TMPRSS11D: variants seen among roughly 807,000 people sequenced by gnomAD.
The protein encoded by TMPRSS11D is transmembrane serine protease 11D.
Under a neutral mutation model 44.4 loss-of-function variants are expected in TMPRSS11D, and 32 were observed. The observed-to-expected ratio is 0.72, with a 90% CI of 0.54 to 0.97. TMPRSS11D has a LOEUF of 0.97. Ranked by LOEUF, TMPRSS11D falls within the 50% of genes least tolerant of loss-of-function variation. TMPRSS11D has a pLI of 0.00. For missense variants in TMPRSS11D, 446 were observed against 502.6 expected (o/e 0.89, Z 1.08); for synonymous variants, 179 against 177.9 (o/e 1.01, Z -0.05).
intron 2 of TMPRSS11D, 56 bp from the exon 3 acceptor site, chr4:67,854,242 T>A: frequency 1.1e-6 from 1 of 943,342 alleles, no homozygotes; most frequent in Non-Finnish European, 1.6e-6. Flanking sequence ...GTTGAACCTT[T>A]AATTTATTCA....
chr4:67,880,754 TCAGGGAATA>T (rs1428009525), intron 1 of TMPRSS11D, among the ~76,000 whole-genome samples: 1 of 152,026 alleles, frequency 6.6e-6, no homozygotes, highest in East Asian at 1.9e-4. Flanking sequence ...ACCTCGGCCT[TCAGGGAATA>T]CAGGGAATAC....
intron 3 of TMPRSS11D, among the ~76,000 whole-genome samples, chr4:67,843,110 T>C (rs1718271625): frequency 6.6e-6 from 1 of 151,170 alleles, no homozygotes; most frequent in Admixed American, 6.6e-5. Flanking sequence ...CAGTCTTTTT[T>C]TTTTTTTTTT....
At chr4:67,822,557 G>A (rs1717673994) in intron 9 of TMPRSS11D, 59 bp from the exon 10 acceptor site, 7 of 1,587,698 alleles carry the variant, frequency 4.4e-6, no homozygotes, top group Admixed American at 3.4e-5. Flanking sequence ...AAATATTAAG[G>A]AGTTTATTTC....
intron 1 of TMPRSS11D, among the ~76,000 whole-genome samples, chr4:67,861,174 T>C (rs1718784504): frequency 6.6e-6 from 1 of 152,184 alleles, no homozygotes; most frequent in African/African-American, 2.4e-5. Flanking sequence ...TTGTCTTATT[T>C]GTTCATTTTG....
At chr4:67,829,474 A>G (rs943330673) in intron 7 of TMPRSS11D, among the ~76,000 whole-genome samples, 1 of 151,308 alleles carries the variant, frequency 6.6e-6, no homozygotes, top group Non-Finnish European at 1.5e-5. Context: ...CATTACCTTT[A>G]TGACCTAGGA....
Position 67,876,220 on chromosome 4 carries a change from C to A in TMPRSS11D, c.8+7706G>T, listed in dbSNP as rs1285343852. Among the ~76,000 whole-genome samples the A allele has an allele frequency of 2.6e-5, 4 of 152,070 alleles. No individual in the cohort carries two copies. In the South Asian group the frequency reaches 6.2e-4, roughly 24 times the overall value. On this transcript the variant is annotated intron_variant, in intron 1 of 9. Transcript: ENST00000283916. ...GATCCATGTGATCACTGGGAAGTAA[C>A]AAAACCTCTCTGAACCTTAGTTTCC...
chr4:67,847,088 G>A (rs1481962871), intron 3 of TMPRSS11D, among the ~76,000 whole-genome samples: 1 of 152,114 alleles, frequency 6.6e-6, no homozygotes, highest in African/African-American at 2.4e-5. Flanking sequence ...TATTTTTGTA[G>A]AGATGGGGTT....
intron 1 of TMPRSS11D, among the ~76,000 whole-genome samples, chr4:67,866,390 T>C (rs185994839): frequency 1.1e-4 from 16 of 152,106 alleles, no homozygotes; most frequent in African/African-American, 3.1e-4. Context: ...GCTAACATCA[T>C]ACTGTACAGG....
At chr4:67,859,058 G>C (rs1718729647) in intron 2 of TMPRSS11D, among the ~76,000 whole-genome samples, 1 of 152,038 alleles carries the variant, frequency 6.6e-6, no homozygotes, top group Admixed American at 6.6e-5. Flanking sequence ...CATCCTAACT[G>C]TTAGGCTTGT....
chr4:67,873,427 A>C (rs942897430), intron 1 of TMPRSS11D, among the ~76,000 whole-genome samples: 1 of 152,198 alleles, frequency 6.6e-6, no homozygotes, highest in African/African-American at 2.4e-5. Context: ...CATCTCTTCC[A>C]TTCTGGGAAT....
chr4:67,832,847 A>G (rs1054071744), intron 7 of TMPRSS11D, among the ~76,000 whole-genome samples: 1 of 151,978 alleles, frequency 6.6e-6, no homozygotes, highest in African/African-American at 2.4e-5. Context: ...ACTCAATGCT[A>G]CCAGTAACAC....
At chr4:67,872,391 T>A (rs1719080499) in intron 1 of TMPRSS11D, among the ~76,000 whole-genome samples, 1 of 152,148 alleles carries the variant, frequency 6.6e-6, no homozygotes, top group Non-Finnish European at 1.5e-5. Context: ...TACCGTAAAT[T>A]ATAAAAAAAT....
Position 67,833,281 on chromosome 4 carries a change from C to T in TMPRSS11D, c.615G>A (p.Arg205=), listed in dbSNP as rs768572405. Residue 205 remains arginine, a synonymous_variant, in exon 7 of 10, where the codon CGG becomes CGA. Coordinates refer to ENST00000283916, the MANE Select transcript of TMPRSS11D (RefSeq NM_004262.3). ...CTCCACAGTGGTGGGCATTATTGAG[C>T]CGCAGACTGACTTGCCACGGCCAGC... ...EGSWPWQVSL[R]LNNAHHCGGS... 7 of 1,600,232 alleles carry T rather than the reference C, an allele frequency of 4.4e-6. No individual in the cohort carries two copies. In the East Asian group the frequency reaches 1.4e-4, roughly 31 times the overall value.
In TMPRSS11D at chr4:67,838,171, C is replaced by T. The variant is rs1049319597; in HGVS notation, c.475+1G>A. The T allele has an allele frequency of 6.6e-7, 1 of 1,522,184 alleles. No homozygotes were observed. Among genetic ancestry groups the T allele is most frequent in the Non-Finnish European group, 8.8e-7 (1 of 1,137,312 alleles). The allele number at this position is 1,522,184 out of a possible 1,614,324, so 94.3% of individuals were successfully genotyped here. A position where few individuals can be genotyped will look rare whatever the true frequency, so the allele number is the denominator to read the frequency against. ...AATTGTTTATGAAAAATTATACTTA[C>T]ATGTTATCTCAGTTGAAGGGTTTAT... On this transcript the variant is annotated splice_donor_variant, in intron 5 of 9. Coordinates refer to ENST00000283916, the MANE Select transcript of TMPRSS11D (RefSeq NM_004262.3). LOFTEE classifies it high-confidence loss of function.
intron 2 of TMPRSS11D, among the ~76,000 whole-genome samples, chr4:67,857,300 TATATATATATATATATATATATAC>T (rs1295060693): frequency 3.5e-4 from 2 of 5,654 alleles, no homozygotes; most frequent in African/African-American, 4.4e-4. Context: ...TATATATATA[TATATATATATATATATATATATAC>T]ACACACACAC....
At chr4:67,869,457 A>C (rs890237251) in intron 1 of TMPRSS11D, among the ~76,000 whole-genome samples, 1 of 152,170 alleles carries the variant, frequency 6.6e-6, no homozygotes, top group African/African-American at 2.4e-5. Flanking sequence ...GTAACCTATA[A>C]TATATATGCA....
At chr4:67,823,409 G>T (rs56339946) in intron 9 of TMPRSS11D, among the ~76,000 whole-genome samples, 28 of 151,874 alleles carry the variant, frequency 1.8e-4, no homozygotes, top group Admixed American at 1.1e-3. Flanking sequence ...TAAGTCTGTG[G>T]GTTCTGAAAC....
chr4:67,827,662 T>A, intron 7 of TMPRSS11D, 142 bp from the exon 8 acceptor site: 1 of 937,214 alleles, frequency 1.1e-6, no homozygotes, highest in Non-Finnish European at 1.5e-6. Context: ...CATTATAAGC[T>A]GGCAAGTGAG....
intron 1 of TMPRSS11D, among the ~76,000 whole-genome samples, chr4:67,882,191 C>T (rs1486395140): frequency 2.0e-5 from 3 of 152,082 alleles, no homozygotes; most frequent in African/African-American, 7.2e-5. Flanking sequence ...TCAAACCATC[C>T]AAGGCAGCCA....
Sources: allele counts gnomAD v4.1 joint callset (sites outside exome capture counted in the v4.1 genomes callset), GRCh38; gene constraint gnomAD v4.1.1; transcripts MANE v1.5; gene names NCBI Gene and HGNC (gene_info 2026-07-23, HGNC 2026-07-21).